Variants in FADS1 observed in about 807,000 individuals in gnomAD.
The protein encoded by FADS1 is fatty acid desaturase 1, also known as acyl-CoA (8-3)-desaturase.
Under a neutral mutation model 61.6 loss-of-function variants are expected in FADS1, and 17 were observed. The observed-to-expected ratio is 0.28, with a 90% CI of 0.19 to 0.41. The LOEUF is 0.41. Among genes scored for constraint, FADS1 ranks in the 10% least tolerant of loss-of-function variants. The probability of loss-of-function intolerance (pLI) is 1.00; values close to 1 mark genes in which losing one functional copy is unlikely to be tolerated. For synonymous variants in FADS1, 238 were observed against 258.7 expected (o/e 0.92, Z 0.77); for missense variants, 387 against 650.9 (o/e 0.59, Z 4.41).
Position 61,802,758 on chromosome 11 carries a change from T to A in FADS1, c.1454+43A>T. ...TGTCATCATTTCCATTGCCCTGCCC[T>A]CTTCCCTCCCTACTAGCCATCTTCC... On this transcript the variant is annotated intron_variant, in intron 11 of 11. Transcript: ENST00000350997. The surrounding 1 kb of genome is among the most constrained non-coding windows in gnomAD (Gnocchi z 4.2). 6.2e-7 allele frequency: 1 copy of A among 1,613,148 alleles called. No individual in the cohort carries two copies.
Position 61,816,530 on chromosome 11 carries a change from T to G in FADS1, c.375+25A>C. 6.3e-7 allele frequency: 1 copy of G among 1,597,252 alleles called. No individual in the cohort carries two copies. The highest frequency in any genetic ancestry group is 8.5e-7 in the Non-Finnish European group (1 of 1,173,550). ...CTCAGCCTCCGGTCCCGCCCTCTCC[T>G]GTGCCCCCGCCTGGCTGCGCTCACC... On this transcript the variant is annotated intron_variant, in intron 1 of 11. Transcript: ENST00000350997. This position sits in a 1 kb window ranked among gnomAD's most constrained non-coding sequence, Gnocchi z 7.0.
intron 1 of FADS1, chr11:61,814,828 T>A (rs779560344): frequency 2.0e-5 from 3 of 152,278 alleles, no homozygotes; most frequent in Non-Finnish European, 2.9e-5. Context: ...TAGGTCCCCA[T>A]TCGACCCATC....
At position 61,800,153 on chromosome 11, in the gene FADS1, G is replaced by A; in HGVS notation, c.*2258C>T. On this transcript the variant is annotated 3_prime_UTR_variant, in exon 12 of 12. Coordinates refer to ENST00000350997, the MANE Select transcript of FADS1 (RefSeq NM_013402.7). Reference sequence around the variant, plus strand: ...AGGATCAGCACCTATTTTGGAGTGAGGAAGCCAATGGAGGTACAACTCCTC... The same window carrying A: ...AGGATCAGCACCTATTTTGGAGTGAAGAAGCCAATGGAGGTACAACTCCTC... 1 of 152,856 alleles carries A rather than the reference G, an allele frequency of 6.5e-6. No individual in the cohort carries two copies. Among genetic ancestry groups the A allele is most frequent in the Non-Finnish European group, 1.5e-5 (1 of 68,070 alleles). 9.5% of individuals were successfully genotyped at this position (152,856 alleles called of 1,614,324 possible).
At position 61,802,519 on chromosome 11, in the gene FADS1, G is replaced by A. The variant is rs921247512; in HGVS notation, c.1455-57C>T. The A allele has an allele frequency of 2.0e-5, 30 of 1,480,604 alleles. No individual in the cohort carries two copies. Among genetic ancestry groups the A allele is most frequent in the Non-Finnish European group, 2.5e-5 (27 of 1,082,902 alleles). 91.7% of individuals were successfully genotyped at this position (1,480,604 alleles called of 1,614,324 possible). On this transcript the variant is annotated intron_variant, in intron 11 of 11. Coordinates refer to ENST00000350997, the MANE Select transcript of FADS1 (RefSeq NM_013402.7). The surrounding 1 kb of genome is among the most constrained non-coding windows in gnomAD (Gnocchi z 4.2). The stretch of plus-strand genomic sequence containing the variant: ...GGAGACAAGCAGAGTTGAACCCACC[G>A]GAGATGGAGCAGTGAGGTTAAGGCC...
At chr11:61,813,490 C>A in intron 1 of FADS1, 137 bp from the exon 2 acceptor site, 1 of 633,820 alleles carries the variant, frequency 1.6e-6, no homozygotes. Context: ...AGATGGACTT[C>A]CTGGGTCGAG....
chr11:61,805,043 G>A, intron 6 of FADS1: 1 of 531,866 alleles, frequency 1.9e-6, no homozygotes, highest in South Asian at 3.0e-5. Context: ...GGGAACTCAG[G>A]CCCCACGCAT....
At chr11:61,811,738 C>G in intron 3 of FADS1, 2 of 320,072 alleles carry the variant, frequency 6.2e-6, no homozygotes, top group South Asian at 4.6e-5. Context: ...TACAGGCACC[C>G]ACCACCACTC....
Position 61,803,921 on chromosome 11 carries a change from C to T in FADS1, c.1054-154G>A. ...GGTCCAATCCTGCAGTATCTAGTGC[C>T]ACTGCTCCTTTCTTCCATTCCCATT... On this transcript the variant is annotated intron_variant, in intron 7 of 11. Coordinates refer to ENST00000350997, the MANE Select transcript of FADS1 (RefSeq NM_013402.7). This position sits in a 1 kb window ranked among gnomAD's most constrained non-coding sequence, Gnocchi z 4.3. The T allele has an allele frequency of 3.2e-6, 2 of 633,760 alleles. No homozygotes were observed. 39.3% of individuals were successfully genotyped at this position (633,760 alleles called of 1,614,324 possible).
In FADS1 at chr11:61,802,396, G is replaced by T; in HGVS notation, c.*15C>A. 1 of 1,563,522 alleles carries T rather than the reference G, an allele frequency of 6.4e-7. No homozygotes were observed. The highest frequency in any genetic ancestry group is 8.7e-7 in the Non-Finnish European group (1 of 1,152,130). On this transcript the variant is annotated 3_prime_UTR_variant, in exon 12 of 12. Coordinates refer to ENST00000350997, the MANE Select transcript of FADS1 (RefSeq NM_013402.7). This position sits in a 1 kb window ranked among gnomAD's most constrained non-coding sequence, Gnocchi z 4.2. ...TCTTCCTCCTCTTCTTCCAGACTGGGCAGGGTGGCTGTTGTTATTGGTGAA... is the reference window on the plus strand; with the variant it reads ...TCTTCCTCCTCTTCTTCCAGACTGGTCAGGGTGGCTGTTGTTATTGGTGAA...
chr11:61,811,302 G>A (rs1224550368), intron 3 of FADS1, among the ~76,000 whole-genome samples: 1 of 152,102 alleles, frequency 6.6e-6, no homozygotes, highest in African/African-American at 2.4e-5. Context: ...CAGCTCCGAA[G>A]CTCATGACTT....
chr11:61,802,017 A>T lies in FADS1; in HGVS notation c.*394T>A. 4.6e-6 allele frequency: 1 copy of T among 217,790 alleles called. No homozygotes were observed. Among genetic ancestry groups the T allele is most frequent in the South Asian group, 7.3e-5 (1 of 13,686 alleles). The allele number at this position is 217,790 out of a possible 1,614,324, so 13.5% of individuals were successfully genotyped here. A position where few individuals can be genotyped will look rare whatever the true frequency, so the allele number is the denominator to read the frequency against. On this transcript the variant is annotated 3_prime_UTR_variant, in exon 12 of 12. Coordinates refer to ENST00000350997, the MANE Select transcript of FADS1 (RefSeq NM_013402.7). The surrounding 1 kb of genome is among the most constrained non-coding windows in gnomAD (Gnocchi z 4.2). ...TGCCTCAGCCTCCTGGGTAGCTGGG[A>T]TTACAGGCGCGTGCCACCACGCCCG...
chr11:61,813,569 C>T, intron 1 of FADS1: 1 of 555,686 alleles, frequency 1.8e-6, no homozygotes. Flanking sequence ...CTTTAGCTAG[C>T]TAGAGGTAAA....
chr11:61,810,658 C>T, intron 5 of FADS1, 93 bp downstream of exon 5: 2 of 1,490,798 alleles, frequency 1.3e-6, no homozygotes, highest in South Asian at 1.2e-5. Flanking sequence ...CAGTGTCTTG[C>T]CCACACTGAC....
intron 5 of FADS1, among the ~76,000 whole-genome samples, chr11:61,810,308 T>G (rs934183775): frequency 6.6e-6 from 1 of 151,918 alleles, no homozygotes; most frequent in African/African-American, 2.4e-5. Context: ...GAAAGAAGAG[T>G]AAGACAGTCC....
intron 1 of FADS1, among the ~76,000 whole-genome samples, chr11:61,813,732 A>C (rs2066948909): frequency 6.6e-6 from 1 of 152,092 alleles, no homozygotes; most frequent in African/African-American, 2.4e-5. Flanking sequence ...TTGGGAGGCC[A>C]AGGCGGGTGG....
chr11:61,811,229 C>G (rs939809487), intron 3 of FADS1, among the ~76,000 whole-genome samples, 154 bp from the exon 4 acceptor site: 4 of 152,226 alleles, frequency 2.6e-5, no homozygotes, highest in African/African-American at 9.6e-5. Flanking sequence ...AGTTCTGCCT[C>G]TGCCACTGAC....
intron 5 of FADS1, among the ~76,000 whole-genome samples, chr11:61,807,249 G>T (rs1322397258): frequency 2.0e-5 from 3 of 152,100 alleles, no homozygotes; most frequent in Admixed American, 6.5e-5. Context: ...TGTATTTTTA[G>T]TAGAGATGGG....
chr11:61,810,525 C>T (rs1033024326), intron 5 of FADS1, among the ~76,000 whole-genome samples: 2 of 152,182 alleles, frequency 1.3e-5, no homozygotes, highest in Non-Finnish European at 2.9e-5. Flanking sequence ...GCCTTTTATG[C>T]AGTAACGGTT....
intron 5 of FADS1, among the ~76,000 whole-genome samples, chr11:61,807,377 C>T (rs1207611665): frequency 6.6e-6 from 1 of 152,122 alleles, no homozygotes; most frequent in Non-Finnish European, 1.5e-5. Flanking sequence ...CGCCATCGTA[C>T]TTTTTCACAC....
Sources: gnomAD v4.1 joint callset for allele counts (sites outside exome capture counted in the v4.1 genomes callset) on GRCh38, gnomAD v4.1.1 for gene constraint, Gnocchi (gnomAD v3.1) non-coding constraint, MANE v1.5 for transcripts, NCBI Gene and HGNC (gene_info 2026-07-23, HGNC 2026-07-21) for gene names.